Variants in TOX observed in about 807,000 individuals in gnomAD.
The protein encoded by TOX is thymocyte selection-associated high mobility group box protein TOX.
In TOX, 11 loss-of-function variants were observed where a neutral mutation model predicts 53.7. The ratio of observed to expected loss-of-function variants is 0.20; its 90% CI spans 0.13 to 0.34. The LOEUF (loss-of-function observed/expected upper bound fraction) is 0.34. Ranked by LOEUF, TOX falls within the 10% of genes least tolerant of loss-of-function variation. The pLI is 1.00. For missense variants in TOX, 570 were observed against 664.6 expected, an observed-to-expected ratio of 0.86 and a Z score of 1.56; for synonymous variants, 225 against 245.3, an observed-to-expected ratio of 0.92 and a Z score of 0.77.
chr8:58,872,076 TG>T (rs1207770385), intron 3 of TOX, among the ~76,000 whole-genome samples: 2 of 151,818 alleles, frequency 1.3e-5, no homozygotes, highest in African/African-American at 4.8e-5. Context: ...TTTTTTTTCA[TG>T]GAAGATAGAA....
At chr8:58,870,986 C>T (rs1006315786) in intron 3 of TOX, among the ~76,000 whole-genome samples, 1 of 151,956 alleles carries the variant, frequency 6.6e-6, no homozygotes, top group Non-Finnish European at 1.5e-5. Flanking sequence ...AACCTGCACA[C>T]AAGTGTTTAT....
chr8:58,947,714 CAG>C (rs1294293056), intron 2 of TOX, among the ~76,000 whole-genome samples: 1 of 152,164 alleles, frequency 6.6e-6, no homozygotes, highest in African/African-American at 2.4e-5. Flanking sequence ...TAAGTGATAT[CAG>C]AGTGTAAACA....
intron 1 of TOX, among the ~76,000 whole-genome samples, chr8:58,989,676 AAATTAAGTGTCCTCC>A (rs1234193136): frequency 6.6e-6 from 1 of 152,204 alleles, no homozygotes; most frequent in African/African-American, 2.4e-5. Flanking sequence ...TCTGCAGAAA[AAATTAAGTGTCCTCC>A]AATTAGCTGT....
intron 3 of TOX, among the ~76,000 whole-genome samples, chr8:58,923,874 A>C (rs754912101): frequency 6.6e-6 from 1 of 152,166 alleles, no homozygotes; most frequent in Non-Finnish European, 1.5e-5. Flanking sequence ...GGTTGGAATG[A>C]TACACTACTA....
intron 2 of TOX, among the ~76,000 whole-genome samples, chr8:58,948,275 C>T (rs1812557976): frequency 6.6e-6 from 1 of 152,070 alleles, no homozygotes; most frequent in African/African-American, 2.4e-5. Context: ...ATACTATCTG[C>T]CTCTCTCTCC....
intron 4 of TOX, among the ~76,000 whole-genome samples, chr8:58,846,689 C>T (rs1810724650): frequency 6.6e-6 from 1 of 152,108 alleles, no homozygotes; most frequent in African/African-American, 2.4e-5. Context: ...ACGAAGTGAA[C>T]TCAGAGACGA....
In TOX at chr8:58,815,647, C is replaced by T. The variant is rs1401149555; in HGVS notation, c.1083G>A (p.Gly361=). 5 of 1,614,018 alleles carry T rather than the reference C, an allele frequency of 3.1e-6. No individual in the cohort carries two copies. Among genetic ancestry groups the T allele is most frequent in the Non-Finnish European group, 3.4e-6 (4 of 1,179,992 alleles). Residue 361 remains glycine, a synonymous_variant, in exon 7 of 9, where the codon GGG becomes GGA. Transcript: ENST00000361421. ...LINSKPSVFH[G]PSQAHSALYL... Reference sequence around the variant, plus strand: ...ACAGGGCCGAGTGGGCCTGGCTGGGCCCATGGAACACCGACGGCTTCGAAT... The same window carrying T: ...ACAGGGCCGAGTGGGCCTGGCTGGGTCCATGGAACACCGACGGCTTCGAAT...
chr8:58,819,554 G>T (rs1331816966), intron 6 of TOX, among the ~76,000 whole-genome samples: 2 of 152,192 alleles, frequency 1.3e-5, no homozygotes, highest in African/African-American at 2.4e-5. Context: ...TCTGTAGGGA[G>T]TTCCTTTGAC....
chr8:58,883,155 G>T (rs565999720), intron 3 of TOX, among the ~76,000 whole-genome samples: 3 of 152,266 alleles, frequency 2.0e-5, no homozygotes, highest in Admixed American at 2.0e-4. Context: ...TAGACTCTGG[G>T]TTTACAATGA....
chr8:58,826,677 A>G, intron 6 of TOX, 145 bp downstream of exon 6: 2 of 620,360 alleles, frequency 3.2e-6, no homozygotes, highest in Middle Eastern at 5.5e-4. Flanking sequence ...TCCATATCGT[A>G]TAGCTTTGTT....
At chr8:58,829,486 A>C (rs1055210602) in intron 5 of TOX, among the ~76,000 whole-genome samples, 1 of 152,126 alleles carries the variant, frequency 6.6e-6, no homozygotes, top group Non-Finnish European at 1.5e-5. Context: ...TGATGGATAC[A>C]CTCTTTCCTG....
intron 1 of TOX, among the ~76,000 whole-genome samples, chr8:58,998,856 G>T (rs1465464569): frequency 6.6e-6 from 1 of 151,894 alleles, no homozygotes; most frequent in African/African-American, 2.4e-5. Context: ...GGACAGGTAT[G>T]AGTGCAAAAC....
Position 58,851,755 on chromosome 8 carries a change from C to G in TOX, c.462G>C (p.Gln154His). The G allele has an allele frequency of 6.2e-7, 1 of 1,612,540 alleles. No homozygotes were observed. The highest frequency in any genetic ancestry group is 8.5e-7 in the Non-Finnish European group (1 of 1,179,688). ...GGCCCCTTGGTCTCATGGCTGCCAT[C>G]TGAGGATGGGAACTGTACTGAGTTC... ...PEGTQYSSHP[Q>H]MAAMRPRGQP... Residue 154 changes from glutamine (Q) to histidine (H), a missense_variant, in exon 4 of 9, where the codon CAG becomes CAC. Physicochemically the swap from Gln to His is conservative, Grantham distance 24 (BLOSUM62 0). Coordinates refer to ENST00000361421, the MANE Select transcript of TOX (RefSeq NM_014729.3). The surrounding 1 kb of genome is among the most constrained non-coding windows in gnomAD (Gnocchi z 4.4).
chr8:58,990,524 C>A (rs974908497), intron 1 of TOX, among the ~76,000 whole-genome samples: 5 of 151,956 alleles, frequency 3.3e-5, no homozygotes, highest in Non-Finnish European at 5.9e-5. Context: ...AGAAAGCACT[C>A]CTCTGTTTTC....
chr8:59,021,862 G>T (rs539228112), intron 1 of TOX, among the ~76,000 whole-genome samples: 94 of 152,046 alleles, frequency 6.2e-4, no homozygotes, highest in Middle Eastern at 3.4e-3. Flanking sequence ...AATTTTATTA[G>T]GTGATAAAAG....
At chr8:59,000,263 C>T (rs1282265119) in intron 1 of TOX, among the ~76,000 whole-genome samples, 1 of 151,884 alleles carries the variant, frequency 6.6e-6, no homozygotes, top group Non-Finnish European at 1.5e-5. Flanking sequence ...TGATTGGCAG[C>T]AAGGGAGAAG....
chr8:58,832,609 C>G (rs1810480466), intron 5 of TOX, among the ~76,000 whole-genome samples: 1 of 152,122 alleles, frequency 6.6e-6, no homozygotes, highest in Admixed American at 6.6e-5. Flanking sequence ...TGTCAGCTGC[C>G]TCATAAGTAT....
chr8:59,061,286 A>G (rs1276300524), intron 1 of TOX, among the ~76,000 whole-genome samples: 1 of 152,218 alleles, frequency 6.6e-6, no homozygotes, highest in Non-Finnish European at 1.5e-5. Context: ...TAAATAATCA[A>G]TGTGGATCAT....
At chr8:59,030,167 G>T (rs1458596820) in intron 1 of TOX, among the ~76,000 whole-genome samples, 1 of 152,086 alleles carries the variant, frequency 6.6e-6, no homozygotes, top group Non-Finnish European at 1.5e-5. Flanking sequence ...AACACAAAAT[G>T]CTTATTTCTC....
Sources: allele counts gnomAD v4.1 joint callset (sites outside exome capture counted in the v4.1 genomes callset), GRCh38; gene constraint gnomAD v4.1.1; non-coding constraint Gnocchi (gnomAD v3.1); transcripts MANE v1.5; gene names NCBI Gene and HGNC (gene_info 2026-07-23, HGNC 2026-07-21).